Variants in CHST11 observed in about 807,000 individuals in gnomAD.
The protein encoded by CHST11 is carbohydrate sulfotransferase 11, also known as C4S-1.
Under a neutral mutation model 30.4 loss-of-function variants are expected in CHST11, and 9 were observed. The ratio of observed to expected loss-of-function variants is 0.30; its 90% CI spans 0.18 to 0.52. CHST11 has a LOEUF of 0.52. Ranked by LOEUF, CHST11 falls within the 20% of genes least tolerant of loss-of-function variation. The probability of loss-of-function intolerance (pLI) is 0.97; values close to 1 mark genes in which losing one functional copy is unlikely to be tolerated. For synonymous variants in CHST11, 152 were observed against 187.8 expected, an observed-to-expected ratio of 0.81 and a Z score of 1.56; for missense variants, 348 against 460.6, an observed-to-expected ratio of 0.76 and a Z score of 2.24.
chr12:104,604,673 C>T (rs981167857), intron 2 of CHST11, among the ~76,000 whole-genome samples: 3 of 152,158 alleles, frequency 2.0e-5, no homozygotes, highest in Non-Finnish European at 4.4e-5. Flanking sequence ...AGCTGCTGAG[C>T]CCGGAATGAT....
chr12:104,648,739 A>T (rs2136080477), intron 2 of CHST11, among the ~76,000 whole-genome samples: 1 of 149,878 alleles, frequency 6.7e-6, no homozygotes, highest in Non-Finnish European at 1.5e-5. Flanking sequence ...ACTTGAACAC[A>T]GGAGGTGGAG....
chr12:104,706,029 T>A (rs2040030284), intron 2 of CHST11, among the ~76,000 whole-genome samples: 2 of 152,012 alleles, frequency 1.3e-5, no homozygotes, highest in Non-Finnish European at 2.9e-5. Context: ...GAGGTTGCAG[T>A]GAGCTGTGAT....
chr12:104,689,750 C>T (rs191784773), intron 2 of CHST11, among the ~76,000 whole-genome samples: 19 of 152,178 alleles, frequency 1.2e-4, no homozygotes, highest in African/African-American at 4.6e-4. Context: ...GAACATAGAG[C>T]CTAACACAGG....
intron 2 of CHST11, among the ~76,000 whole-genome samples, chr12:104,727,842 G>T (rs1243437049): frequency 6.6e-6 from 1 of 152,172 alleles, no homozygotes; most frequent in Non-Finnish European, 1.5e-5. Context: ...GACGGTTAGA[G>T]AACTGAGAAC....
chr12:104,685,835 C>T (rs1016439728), intron 2 of CHST11, among the ~76,000 whole-genome samples: 37 of 152,214 alleles, frequency 2.4e-4, no homozygotes, highest in Admixed American at 2.0e-4. Flanking sequence ...CTTGCTGAGA[C>T]ATGAATTATT....
At chr12:104,598,978 A>G (rs1221938717) in intron 1 of CHST11, among the ~76,000 whole-genome samples, 1 of 151,456 alleles carries the variant, frequency 6.6e-6, no homozygotes, top group Non-Finnish European at 1.5e-5. Context: ...CATGACCTTG[A>G]CCATGGCCAA....
intron 1 of CHST11, among the ~76,000 whole-genome samples, chr12:104,462,869 C>T (rs2037422999): frequency 6.6e-6 from 1 of 152,166 alleles, no homozygotes; most frequent in African/African-American, 2.4e-5. Flanking sequence ...GGAGCATTTT[C>T]ATTGCTGTGC....
intron 2 of CHST11, among the ~76,000 whole-genome samples, chr12:104,674,327 T>C (rs2039721621): frequency 6.6e-6 from 1 of 152,204 alleles, no homozygotes; most frequent in Admixed American, 6.5e-5. Context: ...GTTTCTATAA[T>C]GATAACCACC....
chr12:104,505,335 C>G (rs947148335), intron 1 of CHST11, among the ~76,000 whole-genome samples: 3 of 151,978 alleles, frequency 2.0e-5, no homozygotes, highest in Non-Finnish European at 4.4e-5. Flanking sequence ...ACCCCCCACA[C>G]CCCCCCAGCA....
intron 1 of CHST11, among the ~76,000 whole-genome samples, chr12:104,483,697 C>G (rs1397496037): frequency 6.6e-6 from 1 of 152,186 alleles, no homozygotes; most frequent in African/African-American, 2.4e-5. Flanking sequence ...TGTTTTATGT[C>G]TCTTCTTCAG....
intron 2 of CHST11, among the ~76,000 whole-genome samples, chr12:104,741,298 G>A (rs2040345013): frequency 2.0e-5 from 3 of 152,206 alleles, no homozygotes; most frequent in South Asian, 4.1e-4. Flanking sequence ...AGGGGTAGGA[G>A]GAGGGCTTTG....
Position 104,669,862 on chromosome 12 carries a change from G to A in CHST11, c.204+67871G>A, listed in dbSNP as rs78098252. Among the ~76,000 whole-genome samples the A allele has an allele frequency of 9.2e-3, 1,396 of 152,328 alleles. 21 individuals are homozygous for A. Among genetic ancestry groups the A allele is most frequent in the South Asian group, 0.015 (73 of 4,832 alleles). Reference sequence around the variant, plus strand: ...CTCCTCCTGTGAGCCTGGCTTTTCCGTTTTGTCAGTTGATTCACCTTCAGT... The same window carrying A: ...CTCCTCCTGTGAGCCTGGCTTTTCCATTTTGTCAGTTGATTCACCTTCAGT... On this transcript the variant is annotated intron_variant, in intron 2 of 2. Coordinates refer to ENST00000303694, the MANE Select transcript of CHST11 (RefSeq NM_018413.6).
At chr12:104,644,196 G>C (rs1423594192) in intron 2 of CHST11, among the ~76,000 whole-genome samples, 1 of 152,072 alleles carries the variant, frequency 6.6e-6, no homozygotes, top group Non-Finnish European at 1.5e-5. Context: ...CACCCTCCCA[G>C]CGTGCACCTC....
At chr12:104,717,105 G>A (rs761337355) in intron 2 of CHST11, among the ~76,000 whole-genome samples, 17 of 152,150 alleles carry the variant, frequency 1.1e-4, no homozygotes, top group Non-Finnish European at 1.9e-4. Flanking sequence ...ACATAATCCA[G>A]GCTAATCTTT....
intron 2 of CHST11, among the ~76,000 whole-genome samples, chr12:104,710,941 G>A (rs531469520): frequency 3.3e-5 from 5 of 152,204 alleles, no homozygotes; most frequent in Non-Finnish European, 5.9e-5. Flanking sequence ...CAAGTTGAGA[G>A]TAGTTCACCA....
At position 104,457,178 on chromosome 12, in the gene CHST11, C is replaced by T; in HGVS notation, c.-234C>T. Reference sequence around the variant, plus strand: ...GCGGCGAGGAGGAGGAGCAGGAGCGCGCAGCCAGCGGGTCCACGCATCTCA... The same window carrying T: ...GCGGCGAGGAGGAGGAGCAGGAGCGTGCAGCCAGCGGGTCCACGCATCTCA... On this transcript the variant is annotated 5_prime_UTR_variant, in exon 1 of 3. Transcript: ENST00000303694. 2.8e-6 allele frequency: 1 copy of T among 356,480 alleles called. No homozygotes were observed. The highest frequency in any genetic ancestry group is 5.1e-6 in the Non-Finnish European group (1 of 197,924). 22.1% of individuals were successfully genotyped at this position (356,480 alleles called of 1,614,324 possible).
At chr12:104,462,795 C>G (rs141264621) in intron 1 of CHST11, among the ~76,000 whole-genome samples, 1 of 152,226 alleles carries the variant, frequency 6.6e-6, no homozygotes, top group East Asian at 1.9e-4. Context: ...AAAAAAATAA[C>G]TGAAGGAGAA....
chr12:104,629,944 G>C (rs1015911942), intron 2 of CHST11, among the ~76,000 whole-genome samples: 1 of 152,118 alleles, frequency 6.6e-6, no homozygotes, highest in Non-Finnish European at 1.5e-5. Flanking sequence ...ACATTATCTA[G>C]CACAAAGCTT....
intron 1 of CHST11, among the ~76,000 whole-genome samples, chr12:104,563,458 G>C (rs943959053): frequency 1.4e-4 from 21 of 152,132 alleles, no homozygotes; most frequent in African/African-American, 5.1e-4. Context: ...GGGGCTGTAT[G>C]CTCCTAAGAA....
Sources: gnomAD v4.1 joint callset for allele counts (sites outside exome capture counted in the v4.1 genomes callset) on GRCh38, gnomAD v4.1.1 for gene constraint, MANE v1.5 for transcripts, NCBI Gene and HGNC (gene_info 2026-07-23, HGNC 2026-07-21) for gene names.